Variants in UTS2B observed in about 807,000 individuals in gnomAD.
UTS2B encodes urotensin-2B.
Under a neutral mutation model 19.2 loss-of-function variants are expected in UTS2B, and 21 were observed. The ratio of observed to expected loss-of-function variants is 1.09; its 90% CI spans 0.78 to 1.58. The LOEUF is 1.58. UTS2B is among the 40% of genes most tolerant of loss of function. The pLI, the probability that UTS2B is intolerant of heterozygous loss-of-function variation, is 0.00. For synonymous variants in UTS2B, 57 were observed against 50.2 expected (o/e 1.14, Z -0.58); for missense variants, 138 against 130.3 (o/e 1.06, Z -0.29).
At chr3:191,303,598 G>A (rs1002892566) in intron 4 of UTS2B, among the ~76,000 whole-genome samples, 2 of 151,404 alleles carry the variant, frequency 1.3e-5, no homozygotes, top group African/African-American at 2.4e-5. Context: ...TGACTATCAT[G>A]TTACGAGGTT....
At chr3:191,308,206 A>C (rs1717197024) in intron 3 of UTS2B, among the ~76,000 whole-genome samples, 1 of 152,214 alleles carries the variant, frequency 6.6e-6, no homozygotes, top group African/African-American at 2.4e-5. Flanking sequence ...GGCGAGAGCT[A>C]TCGCTAGAAC....
chr3:191,302,251 C>T (rs2108595166), intron 4 of UTS2B, among the ~76,000 whole-genome samples: 1 of 152,348 alleles, frequency 6.6e-6, no homozygotes, highest in Admixed American at 6.5e-5. Context: ...TTACAAATGC[C>T]ATGGCAACCT....
intron 2 of UTS2B, among the ~76,000 whole-genome samples, chr3:191,325,226 A>G (rs145694601): frequency 2.5e-4 from 38 of 152,300 alleles, no homozygotes; most frequent in Non-Finnish European, 5.3e-4. Flanking sequence ...GTGTACAGAT[A>G]ATTGCAATAA....
chr3:191,290,104 T>C (rs1338817035), intron 4 of UTS2B, among the ~76,000 whole-genome samples: 1 of 152,170 alleles, frequency 6.6e-6, no homozygotes, highest in African/African-American at 2.4e-5. Context: ...AAAAGAGACA[T>C]AGACAAAGAA....
intron 4 of UTS2B, among the ~76,000 whole-genome samples, chr3:191,291,372 G>C (rs2117545): frequency 0.72 from 109,289 of 151,978 alleles, 40,147 homozygotes; most frequent in African/African-American, 0.89. Context: ...GAAACTATTA[G>C]CTACTTGAAA....
chr3:191,298,256 C>T (rs1415528643), intron 4 of UTS2B, among the ~76,000 whole-genome samples: 4 of 152,074 alleles, frequency 2.6e-5, no homozygotes, highest in African/African-American at 9.7e-5. Flanking sequence ...ACTGCTTTAA[C>T]TTGGAGATAC....
chr3:191,322,296 T>G (rs1332288984), intron 2 of UTS2B, among the ~76,000 whole-genome samples: 1 of 152,154 alleles, frequency 6.6e-6, no homozygotes, highest in Non-Finnish European at 1.5e-5. Flanking sequence ...GGTCAGTGAT[T>G]TAGAGTTGTC....
At chr3:191,336,726 A>G in the UTS2B span, among the ~76,000 whole-genome samples, 2 of 152,204 alleles carry the variant, frequency 1.3e-5, no homozygotes, top group African/African-American at 4.8e-5. Flanking sequence ...CAGACTATGT[A>G]CTCAGACTTA....
intron 1 of UTS2B, chr3:191,329,569 G>A (rs1023798848): frequency 2.5e-6 from 3 of 1,190,838 alleles, no homozygotes; most frequent in Non-Finnish European, 3.5e-6. Flanking sequence ...CCTGCCGGCC[G>A]GACTTTGCGC....
chr3:191,269,173 C>T (rs9835434), intron 8 of UTS2B, among the ~76,000 whole-genome samples: 79,153 of 152,036 alleles, frequency 0.52, 21,387 homozygotes, highest in Non-Finnish European at 0.59. Context: ...TAAAACTAAG[C>T]CCCTTGGGAG....
At chr3:191,316,889 C>T (rs1268747378) in intron 2 of UTS2B, among the ~76,000 whole-genome samples, 2 of 152,254 alleles carry the variant, frequency 1.3e-5, no homozygotes, top group South Asian at 2.1e-4. Context: ...ATATACAATC[C>T]TCCAGCTAGA....
At chr3:191,323,475 CT>C (rs746426786) in intron 2 of UTS2B, among the ~76,000 whole-genome samples, 6 of 152,038 alleles carry the variant, frequency 3.9e-5, no homozygotes, top group Non-Finnish European at 8.8e-5. Context: ...GACCTCAGTG[CT>C]TTTATTTTCT....
At chr3:191,332,607 A>G (rs978412025), upstream of UTS2B, among the ~76,000 whole-genome samples, 1 of 152,252 alleles carries the variant, frequency 6.6e-6, no homozygotes, top group South Asian at 2.1e-4. Context: ...CAATTTGCGA[A>G]TGTTAGGGAA....
chr3:191,307,509 A>G (rs982155783), intron 3 of UTS2B, among the ~76,000 whole-genome samples: 1 of 152,242 alleles, frequency 6.6e-6, no homozygotes, highest in Non-Finnish European at 1.5e-5. Context: ...CTGCAGTCTC[A>G]TGTATAAACA....
the UTS2B span, among the ~76,000 whole-genome samples, chr3:191,338,024 T>C: frequency 6.6e-6 from 1 of 152,198 alleles, no homozygotes; most frequent in Admixed American, 6.5e-5. Context: ...CAGGGGAGTC[T>C]CCCCTGGACT....
rs1715995672 is a variant in UTS2B at position 191,268,274 on chromosome 3, G to A, written c.*142C>T. 1.6e-6 allele frequency: 1 copy of A among 626,068 alleles called. No homozygotes were observed. The highest frequency in any genetic ancestry group is 1.9e-5 in the African/African-American group (1 of 53,154). 38.8% of individuals were successfully genotyped at this position (626,068 alleles called of 1,614,324 possible). On this transcript the variant is annotated 3_prime_UTR_variant, in exon 9 of 9. Coordinates refer to ENST00000340524, the MANE Select transcript of UTS2B (RefSeq NM_198152.5). ...GCATTGTCTTTACACAATCCCGCAT[G>A]CAATTTTGTATTTACAATAATCAGG... is the stretch of plus-strand genomic sequence containing the variant.
chr3:191,331,069 C>T (rs890557859), upstream of UTS2B, among the ~76,000 whole-genome samples: 1 of 152,172 alleles, frequency 6.6e-6, no homozygotes, highest in Non-Finnish European at 1.5e-5. Context: ...AAGGCGGATC[C>T]ATACTTTTGA....
At chr3:191,284,685 C>A (rs1716485554) in intron 4 of UTS2B, among the ~76,000 whole-genome samples, 1 of 151,250 alleles carries the variant, frequency 6.6e-6, no homozygotes, top group Middle Eastern at 3.2e-3. Context: ...CTTTGGGAGG[C>A]TGAGGTGGGC....
chr3:191,292,798 C>T (rs2108586141), intron 4 of UTS2B, among the ~76,000 whole-genome samples: 1 of 152,106 alleles, frequency 6.6e-6, no homozygotes, highest in South Asian at 2.1e-4. Context: ...TTTTTTGTAG[C>T]TGCCCTTTAC....
Sources: gnomAD v4.1 joint callset for allele counts (sites outside exome capture counted in the v4.1 genomes callset) on GRCh38, gnomAD v4.1.1 for gene constraint, MANE v1.5 for transcripts, NCBI Gene and HGNC (gene_info 2026-07-23, HGNC 2026-07-21) for gene names.